Variants in NTAQ1 observed in about 807,000 individuals in gnomAD.
NTAQ1 encodes the protein protein N-terminal glutamine amidohydrolase.
Under a neutral mutation model 28.2 loss-of-function variants are expected in NTAQ1, and 21 were observed. That is an observed-to-expected ratio of 0.74 (90% CI 0.53 to 1.07). The LOEUF is 1.07. NTAQ1 is among the 50% of genes least tolerant of loss of function. NTAQ1 has a pLI of 0.00. For synonymous variants in NTAQ1, 105 were observed against 90.0 expected (o/e 1.17, Z -0.94); for missense variants, 264 against 256.6 (o/e 1.03, Z -0.20).
chr8:123,470,695 G>T (rs1340723598), downstream of NTAQ1, among the ~76,000 whole-genome samples: 1 of 152,136 alleles, frequency 6.6e-6, no homozygotes, highest in African/African-American at 2.4e-5. Context: ...TACAATAGAA[G>T]TTTATTTTCC....
chr8:123,436,166 T>C (rs1012464214), intron 3 of NTAQ1, among the ~76,000 whole-genome samples: 6 of 91,478 alleles, frequency 6.6e-5, no homozygotes, highest in Non-Finnish European at 8.7e-5. Context: ...TAAGACTCCA[T>C]CTCAAAAAAA....
At chr8:123,468,597 T>A (rs77776375) in exon 7 of NTAQ1, among the ~76,000 whole-genome samples, 6,747 of 152,272 alleles carry the variant, frequency 0.044, 493 homozygotes, top group African/African-American at 0.15. Flanking sequence ...TGCTTTATCA[T>A]TTTTTCCATC....
At chr8:123,453,961 A>T (rs889409698) in intron 6 of NTAQ1, among the ~76,000 whole-genome samples, 1 of 152,158 alleles carries the variant, frequency 6.6e-6, no homozygotes, top group Admixed American at 6.5e-5. Context: ...TTCCAAGTTC[A>T]TGCCCACATT....
chr8:123,433,198 A>G (rs1814503297), intron 3 of NTAQ1, among the ~76,000 whole-genome samples: 1 of 152,168 alleles, frequency 6.6e-6, no homozygotes, highest in African/African-American at 2.4e-5. Context: ...TGTGCCATGA[A>G]GGCAATTTTG....
intron 6 of NTAQ1, among the ~76,000 whole-genome samples, chr8:123,456,592 C>T (rs961494012): frequency 6.6e-6 from 1 of 152,172 alleles, no homozygotes; most frequent in Admixed American, 6.5e-5. Context: ...CCCCAAGTAT[C>T]GAAGGCACCG....
chr8:123,434,780 A>G (rs1240883916), intron 3 of NTAQ1, among the ~76,000 whole-genome samples: 2 of 152,172 alleles, frequency 1.3e-5, no homozygotes, highest in Admixed American at 1.3e-4. Flanking sequence ...TGGTAGAAAG[A>G]GGTAGAGAAG....
intron 6 of NTAQ1, among the ~76,000 whole-genome samples, chr8:123,464,612 T>G (rs1815918690): frequency 6.6e-6 from 1 of 152,188 alleles, no homozygotes; most frequent in African/African-American, 2.4e-5. Flanking sequence ...GACCACATAT[T>G]TAACTTACAT....
chr8:123,447,542 G>A (rs1302296477), intron 6 of NTAQ1, among the ~76,000 whole-genome samples: 3 of 152,046 alleles, frequency 2.0e-5, no homozygotes, highest in African/African-American at 7.2e-5. Context: ...TTACAGATGA[G>A]GAAACTGATG....
intron 1 of NTAQ1, among the ~76,000 whole-genome samples, chr8:123,422,298 C>CTTTTTTTTT: frequency 7.2e-6 from 1 of 138,930 alleles, no homozygotes. Flanking sequence ...TTTTTTGAGA[C>CTTTTTTTTT]AGGGTCTCAC....
chr8:123,446,676 C>T (rs1235461784), downstream of NTAQ1, among the ~76,000 whole-genome samples: 1 of 152,140 alleles, frequency 6.6e-6, no homozygotes, highest in Non-Finnish European at 1.5e-5. Context: ...TCATCGGAGC[C>T]GTATCAGTGC....
At chr8:123,475,165 G>C in the NTAQ1 span, among the ~76,000 whole-genome samples, 1 of 151,824 alleles carries the variant, frequency 6.6e-6, no homozygotes, top group Admixed American at 6.6e-5. Flanking sequence ...TATTTATTTT[G>C]TTGCTCCAGT....
chr8:123,444,699 C>T (rs912033229), downstream of NTAQ1, among the ~76,000 whole-genome samples: 6 of 152,102 alleles, frequency 3.9e-5, no homozygotes, highest in African/African-American at 9.7e-5. Context: ...TTAGTGGAGA[C>T]GGGGTTTCAC....
downstream of NTAQ1, among the ~76,000 whole-genome samples, chr8:123,445,678 T>A (rs1190101724): frequency 1.3e-5 from 2 of 152,232 alleles, no homozygotes; most frequent in Non-Finnish European, 2.9e-5. Context: ...TGATCTCAGC[T>A]CATTGTAGCC....
At chr8:123,428,485 A>C (rs961338438) in intron 2 of NTAQ1, among the ~76,000 whole-genome samples, 1 of 152,122 alleles carries the variant, frequency 6.6e-6, no homozygotes, top group Non-Finnish European at 1.5e-5. Flanking sequence ...GGTGTGAGCC[A>C]CCATGCCCAG....
At chr8:123,423,459 T>C (rs1182977403) in intron 1 of NTAQ1, among the ~76,000 whole-genome samples, 1 of 143,498 alleles carries the variant, frequency 7.0e-6, no homozygotes. Flanking sequence ...TTCTTTTTCT[T>C]TCCGGAGGGT....
At chr8:123,440,064 G>A (rs1454167921) in intron 5 of NTAQ1, among the ~76,000 whole-genome samples, 4 of 149,798 alleles carry the variant, frequency 2.7e-5, no homozygotes, top group Admixed American at 2.0e-4. Flanking sequence ...TCAAGGTAGG[G>A]TCTCAGTATA....
chr8:123,441,380 G>C lies in NTAQ1; in HGVS notation c.583G>C (p.Glu195Gln). ...ATGGGGCGCCGTCTACACACTATCC[G>C]AATTTACACATCGGTTTGGCAGTAA... is the stretch of plus-strand genomic sequence containing the variant. ...VGWGAVYTLSEFTHRFGSKNC is the reference protein window; with the variant it reads ...VGWGAVYTLSQFTHRFGSKNC The change falls in exon 6 of 6, where the codon GAA becomes CAA. Residue 195 changes from glutamate (E) to glutamine (Q), a missense_variant. Transcript: ENST00000287387. 2 of 1,611,258 alleles carry C rather than the reference G, an allele frequency of 1.2e-6. No homozygotes were observed. The highest frequency in any genetic ancestry group is 1.7e-6 in the Non-Finnish European group (2 of 1,178,536).
chr8:123,458,383 A>C (rs138118084), intron 6 of NTAQ1, among the ~76,000 whole-genome samples: 9 of 152,110 alleles, frequency 5.9e-5, no homozygotes, highest in Admixed American at 3.3e-4. Context: ...TTGTTTACCA[A>C]TTCTAACCCT....
rs112145793 is a variant in NTAQ1, at chr8:123,427,402, G to A, written c.84-522G>A. Among the ~76,000 whole-genome samples, 508 of 151,962 alleles carry A rather than the reference G, an allele frequency of 3.3e-3. 3 individuals are homozygous for A. Among genetic ancestry groups the A allele is most frequent in the African/African-American group, 0.012 (484 of 41,470 alleles). On this transcript the variant is annotated intron_variant, in intron 1 of 5. Transcript: ENST00000287387. ...CAAGTAGCCGGGATTACAGGCACCC[G>A]CCACCATGCCTGGCTAATTTTAGTA...
Sources: gnomAD v4.1 joint callset for allele counts (sites outside exome capture counted in the v4.1 genomes callset) on GRCh38, gnomAD v4.1.1 for gene constraint, MANE v1.5 for transcripts, NCBI Gene and HGNC (gene_info 2026-07-23, HGNC 2026-07-21) for gene names.